C2orf66: variants seen among roughly 807,000 people sequenced by gnomAD.
The protein encoded by C2orf66 is chromosome 2 open reading frame 66, also known as uncharacterized protein C2orf66.
A neutral mutation model predicts 7.0 loss-of-function variants in C2orf66; 6 were observed. The observed-to-expected ratio is 0.86, with a 90% CI of 0.47 to 1.69. The LOEUF (loss-of-function observed/expected upper bound fraction) is 1.69. Ranked by LOEUF, C2orf66 falls within the 40% of genes most tolerant of loss-of-function variation. C2orf66 has a pLI of 0.01. For synonymous variants in C2orf66, 38 were observed against 43.8 expected (o/e 0.87, Z 0.52); for missense variants, 107 against 112.0 (o/e 0.96, Z 0.20).
At chr2:196,829,234 CTCAT>C in the C2orf66 span, among the ~76,000 whole-genome samples, 1 of 152,050 alleles carries the variant, frequency 6.6e-6, no homozygotes, top group Non-Finnish European at 1.5e-5. Context: ...TTGATGTGGT[CTCAT>C]TCAAAGTAAT....
chr2:196,830,713 T>C, the C2orf66 span, among the ~76,000 whole-genome samples: 3 of 149,182 alleles, frequency 2.0e-5, no homozygotes, highest in African/African-American at 5.2e-5. Flanking sequence ...ACTGTTTTAA[T>C]TCTTTTCTTT....
chr2:196,816,646 C>T, the C2orf66 span, among the ~76,000 whole-genome samples: 7 of 152,028 alleles, frequency 4.6e-5, no homozygotes, highest in Admixed American at 6.6e-5. Flanking sequence ...CTCTGCATCA[C>T]GCAATATACC....
At chr2:196,829,320 G>T in the C2orf66 span, among the ~76,000 whole-genome samples, 1 of 152,036 alleles carries the variant, frequency 6.6e-6, no homozygotes, top group Non-Finnish European at 1.5e-5. Context: ...ACTTCTTTGG[G>T]TATATTTAAT....
At chr2:196,827,857 T>C in the C2orf66 span, among the ~76,000 whole-genome samples, 1 of 152,210 alleles carries the variant, frequency 6.6e-6, no homozygotes, top group Admixed American at 6.5e-5. Flanking sequence ...TTTACAAATA[T>C]GAATACTCAA....
chr2:196,816,117 C>T, the C2orf66 span, among the ~76,000 whole-genome samples: 60 of 152,266 alleles, frequency 3.9e-4, no homozygotes, highest in African/African-American at 1.3e-3. Context: ...TTGTGATAAA[C>T]AGAACAGAAG....
the C2orf66 span, among the ~76,000 whole-genome samples, chr2:196,825,701 C>T: frequency 7.2e-5 from 11 of 152,134 alleles, no homozygotes; most frequent in South Asian, 2.1e-4. Flanking sequence ...GACAGCACAT[C>T]GGGATGTAGG....
the C2orf66 span, among the ~76,000 whole-genome samples, chr2:196,821,072 C>T: frequency 6.6e-6 from 1 of 152,030 alleles, no homozygotes; most frequent in South Asian, 2.1e-4. Context: ...GAGGGGAAGG[C>T]AATGTGAGCA....
intron 2 of C2orf66, among the ~76,000 whole-genome samples, chr2:196,806,793 G>A (rs1394472475): frequency 6.6e-6 from 1 of 151,900 alleles, no homozygotes; most frequent in Non-Finnish European, 1.5e-5. Flanking sequence ...GAGGTGGAGG[G>A]TGCAGTGAGC....
At chr2:196,808,462 C>T (rs1699839417) in intron 1 of C2orf66, among the ~76,000 whole-genome samples, 1 of 152,114 alleles carries the variant, frequency 6.6e-6, no homozygotes, top group African/African-American at 2.4e-5. Flanking sequence ...GCAATGAGAG[C>T]AGGTCGGGAC....
upstream of C2orf66, among the ~76,000 whole-genome samples, chr2:196,811,202 G>C (rs1468034888): frequency 1.3e-5 from 2 of 152,176 alleles, no homozygotes; most frequent in African/African-American, 2.4e-5. Flanking sequence ...ACGCAAGATG[G>C]GGCCGGAGAG....
the C2orf66 span, among the ~76,000 whole-genome samples, chr2:196,816,960 G>C: frequency 6.6e-6 from 1 of 152,182 alleles, no homozygotes; most frequent in South Asian, 2.1e-4. Context: ...TCACATATCA[G>C]TAGGACCATG....
the C2orf66 span, among the ~76,000 whole-genome samples, chr2:196,825,222 C>CAA: frequency 2.6e-3 from 140 of 53,938 alleles, 1 homozygote; most frequent in Non-Finnish European, 3.5e-3. Context: ...GACTCTGTCT[C>CAA]AAAAAAAAAA....
chr2:196,824,983 C>A, the C2orf66 span, among the ~76,000 whole-genome samples: 1 of 152,228 alleles, frequency 6.6e-6, no homozygotes, highest in African/African-American at 2.4e-5. Context: ...TCTGTAATCC[C>A]AGCACTTTGG....
the C2orf66 span, among the ~76,000 whole-genome samples, chr2:196,825,516 A>C: frequency 2.0e-5 from 3 of 152,204 alleles, no homozygotes; most frequent in Non-Finnish European, 4.4e-5. Flanking sequence ...TAATCATCTC[A>C]TGGTGTATAC....
chr2:196,808,669 T>A (rs1385779091), intron 1 of C2orf66, among the ~76,000 whole-genome samples: 1 of 152,230 alleles, frequency 6.6e-6, no homozygotes, highest in East Asian at 1.9e-4. Context: ...CATGTCAACA[T>A]GTTTATTGTA....
chr2:196,828,228 TCTCACACACACACACACA>T, the C2orf66 span, among the ~76,000 whole-genome samples: 43 of 127,416 alleles, frequency 3.4e-4, no homozygotes, highest in African/African-American at 1.5e-3. Flanking sequence ...TCTCTCTCTC[TCTCACACACACACACACA>T]CACACACACA....
At chr2:196,805,938 C>T (rs546948205) in intron 2 of C2orf66, among the ~76,000 whole-genome samples, 1 of 152,244 alleles carries the variant, frequency 6.6e-6, no homozygotes, top group Non-Finnish European at 1.5e-5. Flanking sequence ...TATCCAAGGG[C>T]ATATTCCACA....
chr2:196,823,155 G>A, the C2orf66 span, among the ~76,000 whole-genome samples: 1 of 152,144 alleles, frequency 6.6e-6, no homozygotes, highest in Admixed American at 6.5e-5. Flanking sequence ...TAGGGTGGGA[G>A]CTAGAAAGGG....
the C2orf66 span, among the ~76,000 whole-genome samples, chr2:196,827,570 G>A: frequency 2.3e-4 from 35 of 152,212 alleles, no homozygotes; most frequent in Non-Finnish European, 4.0e-4. Context: ...GCCAGGAAAC[G>A]AAGAGAAAGG....
Sources: allele counts gnomAD v4.1 joint callset (sites outside exome capture counted in the v4.1 genomes callset), GRCh38; gene constraint gnomAD v4.1.1; transcripts MANE v1.5; gene names NCBI Gene and HGNC (gene_info 2026-07-23, HGNC 2026-07-21).